The following LAMC1 variants were observed in gnomAD, a reference collection of about 807,000 sequenced individuals.
LAMC1 encodes laminin subunit gamma 1, also known as laminin subunit gamma-1.
A neutral mutation model predicts 173.6 loss-of-function variants in LAMC1; 38 were observed. The ratio of observed to expected loss-of-function variants is 0.22; its 90% CI spans 0.17 to 0.29. LAMC1 has a LOEUF of 0.29. Among genes scored for constraint, LAMC1 ranks in the 10% least tolerant of loss-of-function variants. The pLI is 1.00. For synonymous variants in LAMC1, 746 were observed against 749.1 expected, an observed-to-expected ratio of 1.00 and a Z score of 0.07; for missense variants, 1,824 against 2,051.8, an observed-to-expected ratio of 0.89 and a Z score of 2.14.
chr1:183,075,161 T>C (rs1655094419), intron 1 of LAMC1, among the ~76,000 whole-genome samples: 1 of 150,788 alleles, frequency 6.6e-6, no homozygotes, highest in African/African-American at 2.5e-5. Context: ...GTGTTACTCC[T>C]GTTGCCCAGG....
chr1:183,131,312 C>G lies in LAMC1; in HGVS notation c.3500C>G (p.Pro1167Arg). The change falls in exon 20 of 28, where the codon CCA becomes CGA. Residue 1167 changes from proline (P) to arginine (R), a missense_variant. Coordinates refer to ENST00000258341, the MANE Select transcript of LAMC1 (RefSeq NM_002293.4). ...VAAANVSVTQ[P>R]ESTGDPNNMT... ...TTTCCTGTGCAGTCAGTCACTCAGC[C>G]AGAATCTACAGGGGACCCAAACAAC... 1 of 1,613,436 alleles carries G rather than the reference C, an allele frequency of 6.2e-7. No homozygotes were observed. The highest frequency in any genetic ancestry group is 8.5e-7 in the Non-Finnish European group (1 of 1,179,482).
intron 24 of LAMC1, 33 bp from the exon 25 acceptor site, chr1:183,136,353 T>A (rs746980583): frequency 1.3e-6 from 2 of 1,598,732 alleles, no homozygotes; most frequent in East Asian, 2.2e-5. Flanking sequence ...TTGTTGGGAG[T>A]TTAGCTCAAA....
chr1:183,098,666 C>G (rs1655755524), intron 1 of LAMC1, among the ~76,000 whole-genome samples: 2 of 152,208 alleles, frequency 1.3e-5, no homozygotes, highest in Admixed American at 1.3e-4. Flanking sequence ...TACTCCCTGT[C>G]TTTGCCGCCA....
At chr1:183,093,861 C>T (rs1432637337) in intron 1 of LAMC1, among the ~76,000 whole-genome samples, 3 of 152,090 alleles carry the variant, frequency 2.0e-5, no homozygotes, top group Non-Finnish European at 4.4e-5. Context: ...TCCAAAATAC[C>T]ATTATCTGTT....
chr1:183,131,115 G>A (rs973183550), intron 19 of LAMC1, among the ~76,000 whole-genome samples, 184 bp from the exon 20 acceptor site: 1 of 143,672 alleles, frequency 7.0e-6, no homozygotes, highest in African/African-American at 2.5e-5. Flanking sequence ...CAGAGGTTGC[G>A]GTGAACTGAA....
chr1:183,092,796 C>T (rs1655598130), intron 1 of LAMC1, among the ~76,000 whole-genome samples: 2 of 152,050 alleles, frequency 1.3e-5, no homozygotes, highest in Admixed American at 1.3e-4. Flanking sequence ...TCTCTTTCTC[C>T]ACATCTCTTA....
At position 183,110,472 on chromosome 1, in the gene LAMC1, T is replaced by G; in HGVS notation, c.855-16T>G. 6.3e-7 allele frequency: 1 copy of G among 1,590,664 alleles called. No individual in the cohort carries two copies. The highest frequency in any genetic ancestry group is 8.6e-7 in the Non-Finnish European group (1 of 1,163,598). ...TGCAGCTGTTCCATTTTTTGGAGTA[T>G]CTCTTCTCTCCCCAGATGTAAATGT... On this transcript the variant is annotated splice_polypyrimidine_tract_variant and intron_variant, in intron 3 of 27. Coordinates refer to ENST00000258341, the MANE Select transcript of LAMC1 (RefSeq NM_002293.4).
At chr1:183,116,522 A>G in intron 6 of LAMC1, 55 bp from the exon 7 acceptor site, 1 of 1,211,690 alleles carries the variant, frequency 8.3e-7, no homozygotes, top group Middle Eastern at 1.9e-4. Context: ...GGCTGACTTG[A>G]AGAGTGGAAG....
chr1:183,106,734 A>T (rs190546953), intron 2 of LAMC1, among the ~76,000 whole-genome samples: 1 of 152,310 alleles, frequency 6.6e-6, no homozygotes, highest in East Asian at 1.9e-4. Flanking sequence ...ATTCTGTGTT[A>T]GCCTGGGTCA....
At chr1:183,113,934 G>A (rs1230670984) in intron 4 of LAMC1, among the ~76,000 whole-genome samples, 3 of 152,200 alleles carry the variant, frequency 2.0e-5, no homozygotes, top group Non-Finnish European at 4.4e-5. Context: ...TTACCTGGAG[G>A]CAGATTATTT....
chr1:183,122,329 T>G, intron 13 of LAMC1, 78 bp downstream of exon 13: 1 of 1,356,950 alleles, frequency 7.4e-7, no homozygotes, highest in Non-Finnish European at 1.0e-6. Flanking sequence ...CGGAGTTGTT[T>G]TGGATCTTTG....
intron 22 of LAMC1, among the ~76,000 whole-genome samples, chr1:183,134,105 A>T (rs546725319): frequency 6.6e-6 from 1 of 152,200 alleles, no homozygotes; most frequent in African/African-American, 2.4e-5. Context: ...ATTTTATTTC[A>T]TATCTGTACT....
chr1:183,046,203 C>G (rs1181550470), intron 1 of LAMC1, among the ~76,000 whole-genome samples: 1 of 151,980 alleles, frequency 6.6e-6, no homozygotes, highest in African/African-American at 2.4e-5. Context: ...GAAGTTTTGC[C>G]TTTCTACATT....
intron 1 of LAMC1, among the ~76,000 whole-genome samples, chr1:183,055,936 C>T (rs773131804): frequency 1.1e-4 from 17 of 152,158 alleles, no homozygotes; most frequent in Non-Finnish European, 2.2e-4. Flanking sequence ...TAGCTGGGGA[C>T]ACCTTTTGGA....
At chr1:183,086,156 G>T (rs1655421185) in intron 1 of LAMC1, among the ~76,000 whole-genome samples, 1 of 152,162 alleles carries the variant, frequency 6.6e-6, no homozygotes, top group Non-Finnish European at 1.5e-5. Context: ...TATTTTTGTG[G>T]AAAGAAGGAA....
intron 21 of LAMC1, among the ~76,000 whole-genome samples, chr1:183,132,812 AGAGT>A (rs753433030): frequency 2.0e-4 from 30 of 152,354 alleles, no homozygotes; most frequent in East Asian, 9.6e-4. Context: ...AAAATATAAT[AGAGT>A]AAGTAGAGGA....
In LAMC1 at chr1:183,116,821, C is replaced by T. The variant is rs1045099264; in HGVS notation, c.1482C>T (p.Pro494=). Residue 494 remains proline (P), a synonymous_variant, in exon 8 of 28, where the codon CCC becomes CCT. Coordinates refer to ENST00000258341, the MANE Select transcript of LAMC1 (RefSeq NM_002293.4). ...CATCTAATCCTCGGGGTTGCACACC[C>T]TGCTTCTGCTTTGGGCATTCTTCTG... ...LESSNPRGCT[P]CFCFGHSSVC... is the part of the protein sequence containing the mutation. The T allele has an allele frequency of 1.2e-6, 2 of 1,613,904 alleles. No individual in the cohort carries two copies. Among genetic ancestry groups the T allele is most frequent in the Non-Finnish European group, 1.7e-6 (2 of 1,179,890 alleles).
intron 1 of LAMC1, among the ~76,000 whole-genome samples, chr1:183,045,487 A>C (rs1239293945): frequency 6.6e-6 from 1 of 152,080 alleles, no homozygotes; most frequent in African/African-American, 2.4e-5. Flanking sequence ...CCAATTGAAA[A>C]AAAAGTTCAG....
chr1:183,051,202 C>A (rs1257246140), intron 1 of LAMC1, among the ~76,000 whole-genome samples: 1 of 152,164 alleles, frequency 6.6e-6, no homozygotes, highest in Non-Finnish European at 1.5e-5. Context: ...CTGCTTTAAC[C>A]AATATGGGAC....
Sources: gnomAD v4.1 joint callset for allele counts (sites outside exome capture counted in the v4.1 genomes callset) on GRCh38, gnomAD v4.1.1 for gene constraint, MANE v1.5 for transcripts, NCBI Gene and HGNC (gene_info 2026-07-23, HGNC 2026-07-21) for gene names.